Variants in PSD3 observed in about 807,000 individuals in gnomAD.
PSD3 encodes the protein PH and SEC7 domain-containing protein 3.
A neutral mutation model predicts 105.5 loss-of-function variants in PSD3; 49 were observed. The observed-to-expected ratio is 0.46, with a 90% CI of 0.37 to 0.59. The LOEUF (loss-of-function observed/expected upper bound fraction) is 0.59. Among genes scored for constraint, PSD3 ranks in the 20% least tolerant of loss-of-function variants. PSD3 has a pLI of 0.00. For synonymous variants in PSD3, 557 were observed against 457.8 expected (o/e 1.22, Z -2.77); for missense variants, 1,561 against 1,263.8 (o/e 1.24, Z -3.57).
chr8:18,885,057 T>C (rs1284680828), intron 2 of PSD3, among the ~76,000 whole-genome samples: 1 of 152,212 alleles, frequency 6.6e-6, no homozygotes, highest in Non-Finnish European at 1.5e-5. Flanking sequence ...AAAGCTGGTT[T>C]CCTTTTTCAA....
At chr8:18,910,941 A>T (rs79946326) in intron 2 of PSD3, among the ~76,000 whole-genome samples, 7 of 138,942 alleles carry the variant, frequency 5.0e-5, no homozygotes, top group African/African-American at 8.0e-5. Flanking sequence ...TCAAAAAAAT[A>T]AAAAAAAAAA....
chr8:18,821,872 C>CCACACACACACACA (rs5889830), intron 4 of PSD3, among the ~76,000 whole-genome samples: 17 of 137,404 alleles, frequency 1.2e-4, no homozygotes, highest in South Asian at 2.5e-4. Context: ...TGCACACACA[C>CCACACACACACACA]CACACACACA....
chr8:18,702,741 T>G (rs572929259), intron 9 of PSD3, among the ~76,000 whole-genome samples: 229 of 151,942 alleles, frequency 1.5e-3, no homozygotes, highest in African/African-American at 5.1e-3. Flanking sequence ...GCCTCCCGAG[T>G]AGCTGGGACT....
chr8:18,545,117 T>C (rs1800380512), intron 15 of PSD3, among the ~76,000 whole-genome samples: 1 of 152,252 alleles, frequency 6.6e-6, no homozygotes, highest in Non-Finnish European at 1.5e-5. Context: ...TCTCATTCTT[T>C]ACACTGTTTC....
intron 8 of PSD3, among the ~76,000 whole-genome samples, chr8:18,787,948 G>A (rs1023343310): frequency 6.6e-6 from 1 of 152,192 alleles, no homozygotes; most frequent in Non-Finnish European, 1.5e-5. Context: ...AAGGACCAGA[G>A]AGTAAATATT....
chr8:18,623,406 GTTCAA>G (rs1399355727), intron 11 of PSD3, among the ~76,000 whole-genome samples: 1 of 122,442 alleles, frequency 8.2e-6, no homozygotes, highest in East Asian at 2.6e-4. Flanking sequence ...GAGGCCAAGA[GTTCAA>G]GACCAGTCTG....
In PSD3 at chr8:18,537,505, T is replaced by C. The variant is rs149875810; in HGVS notation, c.2929-1547A>G. Among the ~76,000 whole-genome samples, 465 of 152,328 alleles carry C rather than the reference T, an allele frequency of 3.1e-3. 2 individuals are homozygous for C. The highest frequency in any genetic ancestry group is 6.8e-3 in the Middle Eastern group (2 of 294). ...CTCATGTGCCTTTCACTACAAAGAC[T>C]GATAAAACCAGAGATACTTACTTTC... On this transcript the variant is annotated intron_variant, in intron 15 of 15. Transcript: ENST00000327040.
chr8:18,909,065 T>C (rs1380107248), intron 2 of PSD3, among the ~76,000 whole-genome samples: 10 of 152,342 alleles, frequency 6.6e-5, no homozygotes, highest in Admixed American at 5.2e-4. Flanking sequence ...ACTATGACAA[T>C]TGTTCCAAGG....
intron 10 of PSD3, among the ~76,000 whole-genome samples, chr8:18,642,786 C>G (rs1345839841): frequency 6.6e-6 from 1 of 152,202 alleles, no homozygotes; most frequent in Non-Finnish European, 1.5e-5. Context: ...GTATCCATCT[C>G]AATCTCATTA....
chr8:18,852,120 T>C (rs1815626473), intron 4 of PSD3, among the ~76,000 whole-genome samples: 1 of 152,116 alleles, frequency 6.6e-6, no homozygotes, highest in Non-Finnish European at 1.5e-5. Context: ...TTCCCTTGAC[T>C]GTTAACAGAA....
chr8:19,044,598 TC>T (rs1300794997), intron 1 of PSD3, among the ~76,000 whole-genome samples: 1 of 152,222 alleles, frequency 6.6e-6, no homozygotes, highest in Non-Finnish European at 1.5e-5. Flanking sequence ...TGTAAGTCAT[TC>T]CATAGTCCTT....
intron 1 of PSD3, among the ~76,000 whole-genome samples, chr8:18,947,263 G>A (rs1822925555): frequency 6.6e-6 from 1 of 152,190 alleles, no homozygotes; most frequent in Non-Finnish European, 1.5e-5. Context: ...AAACCAAAGG[G>A]CAAAGCAGGA....
At position 18,742,581 on chromosome 8, in the gene PSD3, A is replaced by G. The variant is rs946555797; in HGVS notation, c.2172+22868T>C. 2.0e-5 allele frequency among the ~76,000 whole-genome samples: 3 copies of G among 152,346 alleles called. No homozygotes were observed. In the East Asian group the frequency reaches 5.8e-4, roughly 29 times the overall value. Reference sequence around the variant, plus strand: ...AATCATAGATAGCTTTTGTGAAGGTATTAGTGAATTCCGGATCCCCCTGTA... The same window carrying G: ...AATCATAGATAGCTTTTGTGAAGGTGTTAGTGAATTCCGGATCCCCCTGTA... On this transcript the variant is annotated intron_variant, in intron 9 of 15. Coordinates refer to ENST00000327040, the MANE Select transcript of PSD3 (RefSeq NM_015310.4).
chr8:18,689,543 C>T (rs1314385296), intron 9 of PSD3, among the ~76,000 whole-genome samples: 1 of 152,194 alleles, frequency 6.6e-6, no homozygotes, highest in Non-Finnish European at 1.5e-5. Context: ...GGAAGAGAGG[C>T]ATGAGGTGTC....
intron 1 of PSD3, among the ~76,000 whole-genome samples, chr8:18,976,685 G>A (rs923582342): frequency 6.6e-6 from 1 of 152,192 alleles, no homozygotes; most frequent in Non-Finnish European, 1.5e-5. Context: ...TGCATGGCAC[G>A]CAGTATTACT....
At chr8:18,566,729 T>C (rs189987220) in intron 14 of PSD3, among the ~76,000 whole-genome samples, 2 of 152,296 alleles carry the variant, frequency 1.3e-5, no homozygotes, top group East Asian at 3.9e-4. Flanking sequence ...GATATTTCTT[T>C]TTGGTTATTA....
At chr8:18,595,529 T>C (rs1479555370) in intron 12 of PSD3, among the ~76,000 whole-genome samples, 4 of 151,064 alleles carry the variant, frequency 2.6e-5, no homozygotes, top group Non-Finnish European at 5.9e-5. Context: ...ATAAGCTGTC[T>C]ACAAGAGACT....
intron 8 of PSD3, among the ~76,000 whole-genome samples, chr8:18,780,764 C>G (rs1808533598): frequency 6.6e-6 from 1 of 152,122 alleles, no homozygotes; most frequent in Non-Finnish European, 1.5e-5. Flanking sequence ...CTGTGTTAGC[C>G]AGGATGGTCT....
chr8:19,039,661 T>G (rs953651375), intron 1 of PSD3, among the ~76,000 whole-genome samples: 3 of 152,216 alleles, frequency 2.0e-5, no homozygotes, highest in African/African-American at 2.4e-5. Flanking sequence ...TTTGCATCAT[T>G]CTTTCAATAA....
Sources: allele counts gnomAD v4.1 joint callset (sites outside exome capture counted in the v4.1 genomes callset), GRCh38; gene constraint gnomAD v4.1.1; transcripts MANE v1.5; gene names NCBI Gene and HGNC (gene_info 2026-07-23, HGNC 2026-07-21).